The following TRPM7 variants were observed in gnomAD, a reference collection of about 807,000 sequenced individuals.
TRPM7 encodes transient receptor potential cation channel subfamily M member 7, also known as LTRPC ion channel family member 7.
A neutral mutation model predicts 229.7 loss-of-function variants in TRPM7; 134 were observed. That is an observed-to-expected ratio of 0.58 (90% CI 0.51 to 0.67). The LOEUF (loss-of-function observed/expected upper bound fraction) is 0.67. Ranked by LOEUF, TRPM7 falls within the 30% of genes least tolerant of loss-of-function variation. TRPM7 has a pLI of 0.00. For synonymous variants in TRPM7, 699 were observed against 715.2 expected, an observed-to-expected ratio of 0.98 and a Z score of 0.36; for missense variants, 1,901 against 2,210.0, an observed-to-expected ratio of 0.86 and a Z score of 2.80.
intron 9 of TRPM7, 34 bp from the exon 10 acceptor site, chr15:50,631,523 T>C (rs748800286): frequency 6.9e-7 from 1 of 1,442,648 alleles, no homozygotes. Flanking sequence ...ATTATGCCTT[T>C]ATATTTTTAA....
chr15:50,605,604 G>A (rs1448926808), intron 20 of TRPM7, among the ~76,000 whole-genome samples: 1 of 152,022 alleles, frequency 6.6e-6, no homozygotes, highest in Non-Finnish European at 1.5e-5. Context: ...CATCTTTTGG[G>A]AGGAATGGTA....
intron 21 of TRPM7, among the ~76,000 whole-genome samples, chr15:50,601,276 T>C (rs550113470): frequency 6.6e-6 from 1 of 152,220 alleles, no homozygotes; most frequent in Non-Finnish European, 1.5e-5. Context: ...ACAACCACTT[T>C]CCTTGTGCTT....
chr15:50,583,183 A>C (rs1368885511), intron 28 of TRPM7, 24 bp from the exon 29 acceptor site: 1 of 1,556,656 alleles, frequency 6.4e-7, no homozygotes, highest in African/African-American at 1.4e-5. Flanking sequence ...AAAAAATATA[A>C]AAAAGCTACA....
intron 2 of TRPM7, 69 bp from the exon 3 acceptor site, chr15:50,657,888 T>C (rs898507671): frequency 7.7e-7 from 1 of 1,298,952 alleles, no homozygotes; most frequent in South Asian, 1.4e-5. Context: ...GTATATAAAA[T>C]ACATAAAATA....
chr15:50,621,920 C>T (rs1016706284), intron 12 of TRPM7, among the ~76,000 whole-genome samples: 3 of 151,922 alleles, frequency 2.0e-5, no homozygotes, highest in African/African-American at 7.3e-5. Flanking sequence ...ATCCCAGCAA[C>T]TTGGGAGGCT....
chr15:50,666,517 A>G (rs2061885375), intron 1 of TRPM7, among the ~76,000 whole-genome samples: 1 of 151,864 alleles, frequency 6.6e-6, no homozygotes, highest in Non-Finnish European at 1.5e-5. Context: ...GGAAAAAGAA[A>G]AAGAGGCCGG....
intron 21 of TRPM7, among the ~76,000 whole-genome samples, chr15:50,599,962 C>G (rs184878219): frequency 1.3e-5 from 2 of 152,130 alleles, no homozygotes; most frequent in Non-Finnish European, 2.9e-5. Flanking sequence ...GAGCTAAAAC[C>G]TAGTAATTCA....
At position 50,592,565 on chromosome 15, in the gene TRPM7, A is replaced by C; in HGVS notation, c.3670T>G (p.Ser1224Ala). ...ATTTGAGAATCTAATGATTGTAATG[A>C]TCTTTTTATGTAGTTGACACGATCT... The part of the protein sequence containing the change: ...VGDRVNYIKR[S>A]LQSLDSQIGH... Residue 1224 changes from serine (S) to alanine (A), a missense_variant, in exon 26 of 39, where the codon TCA becomes GCA. By Grantham distance (99) the Ser-to-Ala change is moderately conservative. Around this residue, in one of 8 missense-constraint regions of TRPM7, gnomAD observed 533 missense variants for 497.1 expected, o/e 1.07. Transcript: ENST00000646667. 1 of 1,610,564 alleles carries C rather than the reference A, an allele frequency of 6.2e-7. No homozygotes were observed. The highest frequency in any genetic ancestry group is 8.5e-7 in the Non-Finnish European group (1 of 1,179,910).
chr15:50,637,312 T>C (rs1304572691), intron 7 of TRPM7, 110 bp downstream of exon 7: 6 of 987,580 alleles, frequency 6.1e-6, no homozygotes, highest in East Asian at 2.5e-5. Flanking sequence ...TCATATGTTA[T>C]CTTGCTATGT....
chr15:50,584,425 G>GGT (rs139165082), intron 28 of TRPM7, among the ~76,000 whole-genome samples: 16 of 151,996 alleles, frequency 1.1e-4, no homozygotes, highest in East Asian at 3.9e-4. Context: ...AGGGTGAACA[G>GGT]GTGTGTGTGT....
chr15:50,632,094 G>C (rs1393971187), intron 9 of TRPM7, among the ~76,000 whole-genome samples: 1 of 152,084 alleles, frequency 6.6e-6, no homozygotes, highest in African/African-American at 2.4e-5. Context: ...CGTGAGGTTA[G>C]GAGTTCGAGA....
Position 50,635,706 on chromosome 15 carries a change from A to G in TRPM7, c.833-1150T>C, listed in dbSNP as rs141355795. 7.9e-3 allele frequency among the ~76,000 whole-genome samples: 1,132 copies of G among 143,938 alleles called. 19 individuals carry two copies. Among genetic ancestry groups the G allele is most frequent in the African/African-American group, 0.028 (1,083 of 38,324 alleles). 94.4% of individuals were successfully genotyped at this position (143,938 alleles called of 152,430 possible). A position where few individuals can be genotyped will look rare whatever the true frequency, so the allele number is the denominator to read the frequency against. The stretch of plus-strand genomic sequence containing the variant: ...AAAAAAAAAAAGAGGACGGCTGGGT[A>G]TGGTGGCTCATGCCTGTAATTGCAG... On this transcript the variant is annotated intron_variant, in intron 7 of 38. Coordinates refer to ENST00000646667, the MANE Select transcript of TRPM7 (RefSeq NM_017672.6).
intron 29 of TRPM7, among the ~76,000 whole-genome samples, chr15:50,581,687 G>A (rs2054422257): frequency 6.6e-6 from 1 of 151,754 alleles, no homozygotes. Flanking sequence ...CCTAGGTGTG[G>A]GTTTATTTTT....
At position 50,611,042 on chromosome 15, in the gene TRPM7, G is replaced by A. The variant is rs867500442; in HGVS notation, c.2280+51C>T. ...ACTACACATTTAGACTAATTCTTCT[G>A]TTCTTTTTATCTAATCACATGCTTT... On this transcript the variant is annotated intron_variant, in intron 17 of 38. Coordinates refer to ENST00000646667, the MANE Select transcript of TRPM7 (RefSeq NM_017672.6). 22 of 1,426,888 alleles carry A rather than the reference G, an allele frequency of 1.5e-5. No homozygotes were observed. In the Middle Eastern group the frequency reaches 5.4e-4, roughly 35 times the overall value. 88.4% of individuals were successfully genotyped at this position (1,426,888 alleles called of 1,614,324 possible).
intron 11 of TRPM7, 96 bp from the exon 12 acceptor site, chr15:50,624,396 T>A (rs947886354): frequency 3.5e-5 from 39 of 1,107,388 alleles, no homozygotes; most frequent in African/African-American, 2.9e-4. Context: ...TTTAATTTGT[T>A]CCCAACAGTT....
At position 50,607,819 on chromosome 15, in the gene TRPM7, G is replaced by C. The variant is rs1566997250; in HGVS notation, c.2581-491C>G. ...CCCAGAACTTTGGGAAGCCAATGCAGGCAGATCATCTGAGGTCAGGGGTTC... is the reference window on the plus strand; with the variant it reads ...CCCAGAACTTTGGGAAGCCAATGCACGCAGATCATCTGAGGTCAGGGGTTC... On this transcript the variant is annotated intron_variant, in intron 19 of 38. Coordinates refer to ENST00000646667, the MANE Select transcript of TRPM7 (RefSeq NM_017672.6). 2.0e-5 allele frequency among the ~76,000 whole-genome samples: 3 copies of C among 150,928 alleles called. No homozygotes were observed. The South Asian group carries it at 6.3e-4, about 31-fold the overall frequency.
chr15:50,662,639 A>T (rs546716423), intron 2 of TRPM7, among the ~76,000 whole-genome samples: 1 of 152,174 alleles, frequency 6.6e-6, no homozygotes, highest in South Asian at 2.1e-4. Context: ...TAAGTTCCCA[A>T]TATCAGTGAA....
At chr15:50,654,852 C>T (rs10775143) in intron 3 of TRPM7, among the ~76,000 whole-genome samples, 82,361 of 148,688 alleles carry the variant, frequency 0.55, 23,764 homozygotes, top group Admixed American at 0.63. Context: ...CCACAAAAAA[C>T]TACCCGGGTG....
At chr15:50,646,977 G>A (rs1186411517) in intron 4 of TRPM7, among the ~76,000 whole-genome samples, 1 of 152,184 alleles carries the variant, frequency 6.6e-6, no homozygotes, top group Non-Finnish European at 1.5e-5. Context: ...TAGGCATATA[G>A]TAGGCTATAC....
Sources: allele counts gnomAD v4.1 joint callset (sites outside exome capture counted in the v4.1 genomes callset), GRCh38; gene constraint gnomAD v4.1.1; regional missense constraint gnomAD v4.1.1; transcripts MANE v1.5; gene names NCBI Gene and HGNC (gene_info 2026-07-23, HGNC 2026-07-21).